ANO7: variants seen among roughly 807,000 people sequenced by gnomAD.
The protein encoded by ANO7 is anoctamin 7.
ANO7 carries 114 observed loss-of-function variants against 115.8 expected under a neutral mutation model. The observed-to-expected ratio is 0.98, with a 90% CI of 0.85 to 1.15. The LOEUF (loss-of-function observed/expected upper bound fraction) is 1.15. ANO7 is among the 50% of genes most tolerant of loss of function. ANO7 has a pLI of 0.00. For synonymous variants in ANO7, 550 were observed against 498.2 expected, an observed-to-expected ratio of 1.10 and a Z score of -1.38; for missense variants, 1,302 against 1,201.2, an observed-to-expected ratio of 1.08 and a Z score of -1.24.
At chr2:241,221,420 C>T (rs1258901438) in intron 21 of ANO7, among the ~76,000 whole-genome samples, 1 of 152,038 alleles carries the variant, frequency 6.6e-6, no homozygotes, top group Non-Finnish European at 1.5e-5. Flanking sequence ...GCTCTGTCAC[C>T]CAGGCTGGAG....
chr2:241,203,566 T>G lies in ANO7; in HGVS notation c.889+68T>G, dbSNP rs912666761. 32 of 1,213,354 alleles carry G rather than the reference T, an allele frequency of 2.6e-5. No individual in the cohort carries two copies. Among genetic ancestry groups the G allele is most frequent in the Admixed American group, 3.3e-5 (1 of 30,044 alleles). 75.2% of individuals were successfully genotyped at this position (1,213,354 alleles called of 1,614,324 possible). A position where few individuals can be genotyped will look rare whatever the true frequency, so the allele number is the denominator to read the frequency against. ...AGCTTGGTGTCAGGTTGTAACAATTTGCCAGTCCGTACCCCTGGAGGGCAG... is the reference window on the plus strand; with the variant it reads ...AGCTTGGTGTCAGGTTGTAACAATTGGCCAGTCCGTACCCCTGGAGGGCAG... On this transcript the variant is annotated intron_variant, in intron 9 of 24. Transcript: ENST00000674324. The surrounding 1 kb of genome is among the most constrained non-coding windows in gnomAD (Gnocchi z 4.8).
chr2:241,221,752 A>G (rs1574801039), intron 21 of ANO7, among the ~76,000 whole-genome samples: 1 of 151,472 alleles, frequency 6.6e-6, no homozygotes, highest in African/African-American at 2.4e-5. Flanking sequence ...ATTTTGGCTC[A>G]CTGCAACCTC....
In ANO7 at chr2:241,188,835, C is replaced by T. The variant is rs890845644; in HGVS notation, c.-8+69C>T. ...AGCGTTGGACTCTAGGGAGGCAGGGCGGCACCCCAGCCCACCGGGACTTTC... is the reference window on the plus strand; with the variant it reads ...AGCGTTGGACTCTAGGGAGGCAGGGTGGCACCCCAGCCCACCGGGACTTTC... On this transcript the variant is annotated intron_variant, in intron 1 of 24. Transcript: ENST00000674324. This position sits in a 1 kb window ranked among gnomAD's most constrained non-coding sequence, Gnocchi z 4.3. The T allele has an allele frequency of 4.8e-5, 74 of 1,551,550 alleles. No individual in the cohort carries two copies. The highest frequency in any genetic ancestry group is 1.8e-4 in the Middle Eastern group (1 of 5,608).
In ANO7 at chr2:241,204,934, T is replaced by G; in HGVS notation, c.959T>G (p.Leu320Arg). 3 of 1,614,090 alleles carry G rather than the reference T, an allele frequency of 1.9e-6. No homozygotes were observed. The highest frequency in any genetic ancestry group is 2.5e-6 in the Non-Finnish European group (3 of 1,179,964). ...CTGGTGTTCCTGGTGGGCTGCTTCC[T>G]GGTGTTCTCAGACATACCCACGTGA... The part of the protein sequence containing the change: ...GTLVFLVGCF[L>R]VFSDIPTQEL... The change falls in exon 10 of 25, where the codon CTG becomes CGG. Residue 320 changes from leucine (L) to arginine (R), a missense_variant. Leu to Arg is a moderately radical substitution (Grantham distance 102). Transcript: ENST00000674324.
chr2:241,227,990 A>G (rs2069291417), downstream of ANO7: 1 of 152,248 alleles, frequency 6.6e-6, no homozygotes, highest in Non-Finnish European at 1.5e-5. Flanking sequence ...AGGCCCATTC[A>G]GGGCTGCCTG....
At chr2:241,223,990 C>T in intron 24 of ANO7, 35 bp downstream of exon 24, 1 of 1,613,914 alleles carries the variant, frequency 6.2e-7, no homozygotes. Flanking sequence ...CTGCCCCGTG[C>T]ACTCCCTGAG....
chr2:241,209,679 C>T lies in ANO7; in HGVS notation c.1359+44C>T, dbSNP rs2068676977. On this transcript the variant is annotated intron_variant, in intron 13 of 24. Coordinates refer to ENST00000674324, the MANE Select transcript of ANO7 (RefSeq NM_001370694.2). Reference sequence around the variant, plus strand: ...CTCCGCTCACGCCTCCATCCTCCTGCACCATGTGGGGTGGTTTTGTCCCCC... The same window carrying T: ...CTCCGCTCACGCCTCCATCCTCCTGTACCATGTGGGGTGGTTTTGTCCCCC... The T allele has an allele frequency of 2.7e-6, 4 of 1,501,524 alleles. No homozygotes were observed. The Admixed American group carries it at 6.7e-5, about 25-fold the overall frequency. 93.0% of individuals were successfully genotyped at this position (1,501,524 alleles called of 1,614,324 possible).
chr2:241,210,421 G>C lies in ANO7; in HGVS notation c.1458+28G>C, dbSNP rs778662916. The C allele has an allele frequency of 2.3e-5, 37 of 1,613,546 alleles. No individual in the cohort carries two copies. In the Admixed American group the frequency reaches 6.0e-4, roughly 26 times the overall value. ...GAGCCTCTGCTGCCTGCCTCGGGGG[G>C]CCCTGAGCGGCCCCTCATCCGGCTC... is the stretch of plus-strand genomic sequence containing the variant. On this transcript the variant is annotated intron_variant, in intron 14 of 24. Coordinates refer to ENST00000674324, the MANE Select transcript of ANO7 (RefSeq NM_001370694.2).
chr2:241,209,642 G>A lies in ANO7; in HGVS notation c.1359+7G>A, dbSNP rs187802846. 399 of 1,537,994 alleles carry A rather than the reference G, an allele frequency of 2.6e-4. 4 individuals are homozygous for A. The East Asian group carries it at 8.3e-3, about 32-fold the overall frequency. On this transcript the variant is annotated splice_region_variant and intron_variant, in intron 13 of 24. Coordinates refer to ENST00000674324, the MANE Select transcript of ANO7 (RefSeq NM_001370694.2). ...TGTGGTGATCGTGGTGATGGTATGC[G>A]GTCCCCCTGCCCTCCGCTCACGCCT...
intron 9 of ANO7, 75 bp from the exon 10 acceptor site, chr2:241,204,790 A>G: frequency 8.8e-7 from 1 of 1,133,914 alleles, no homozygotes; most frequent in Non-Finnish European, 1.3e-6. Flanking sequence ...GGGGACAAGC[A>G]TGGCTGTGCA....
At chr2:241,237,085 G>A in the ANO7 span, among the ~76,000 whole-genome samples, 1 of 152,026 alleles carries the variant, frequency 6.6e-6, no homozygotes, top group Non-Finnish European at 1.5e-5. Flanking sequence ...CTACAGCAGA[G>A]GCTTCAGTGA....
At chr2:241,236,692 C>T in the ANO7 span, 9 of 1,614,144 alleles carry the variant, frequency 5.6e-6, no homozygotes, top group East Asian at 2.2e-5. Flanking sequence ...CTTGGAGAGC[C>T]GGGGTCACAA....
At chr2:241,230,249 C>A, downstream of ANO7, 1 of 1,594,018 alleles carries the variant, frequency 6.3e-7, no homozygotes, top group South Asian at 1.1e-5. The surrounding 1 kb of genome is among the most constrained non-coding windows in gnomAD (Gnocchi z 5.0). Flanking sequence ...GGGCTCCGCT[C>A]TGTGGGAAGC....
At position 241,203,533 on chromosome 2, in the gene ANO7, G is replaced by GC. The variant is rs573460677; in HGVS notation, c.889+42dup. 20 of 1,400,678 alleles carry GC rather than the reference G, an allele frequency of 1.4e-5. No homozygotes were observed. The highest frequency in any genetic ancestry group is 8.9e-5 in the Admixed American group (3 of 33,696). The allele number at this position is 1,400,678 out of a possible 1,614,324, so 86.8% of individuals were successfully genotyped here. A position where few individuals can be genotyped will look rare whatever the true frequency, so the allele number is the denominator to read the frequency against. ...CCCCGCTGCCCCCCAGACCACCTGG[G>GC]CCCCCCCAGCTTGGTGTCAGGTTGT... is the stretch of plus-strand genomic sequence containing the variant. On this transcript the variant is annotated intron_variant, in intron 9 of 24. Transcript: ENST00000674324. This position sits in a 1 kb window ranked among gnomAD's most constrained non-coding sequence, Gnocchi z 4.8.
chr2:241,229,897 G>C (rs376066963), downstream of ANO7: 91 of 1,596,786 alleles, frequency 5.7e-5, no homozygotes, highest in Non-Finnish European at 7.7e-5. Flanking sequence ...AGGTGCCTTG[G>C]CCTCTTCGTG....
intron 19 of ANO7, among the ~76,000 whole-genome samples, chr2:241,217,064 C>G (rs1424458211): frequency 1.3e-5 from 2 of 152,146 alleles, no homozygotes; most frequent in African/African-American, 4.8e-5. Context: ...AACTCCTGAC[C>G]TCAGGTGATC....
chr2:241,210,474 C>T lies in ANO7; in HGVS notation c.1465C>T (p.Arg489Cys), dbSNP rs184837414. The change falls in exon 15 of 25, where the codon CGC becomes TGC. Residue 489 changes from arginine (R) to cysteine (C), a missense_variant. Arg to Cys is a radical substitution (Grantham distance 180). Transcript: ENST00000674324. ...GNTLLAAWASRIASLTGSVVN... is the reference protein window; with the variant it reads ...GNTLLAAWASCIASLTGSVVN... ...ACGGCCTGTCTCCCGTTAGGCCTCT[C>T]GCATCGCCAGCCTCACGGGGTCTGT... 6.1e-5 allele frequency: 99 copies of T among 1,614,034 alleles called. No homozygotes were observed. The East Asian group carries it at 6.5e-4, about 11-fold the overall frequency.
chr2:241,199,710 T>C (rs1434326385), intron 5 of ANO7, among the ~76,000 whole-genome samples: 2 of 152,204 alleles, frequency 1.3e-5, no homozygotes, highest in Non-Finnish European at 2.9e-5. Flanking sequence ...CTGAGGGCCC[T>C]GCCTATGAAC....
chr2:241,232,878 A>T, the ANO7 span, among the ~76,000 whole-genome samples: 4 of 152,016 alleles, frequency 2.6e-5, no homozygotes, highest in African/African-American at 2.4e-5. Context: ...GTGGGGAGGG[A>T]AGAGGACGTG....
Sources: allele counts gnomAD v4.1 joint callset (sites outside exome capture counted in the v4.1 genomes callset), GRCh38; gene constraint gnomAD v4.1.1; non-coding constraint Gnocchi (gnomAD v3.1); transcripts MANE v1.5; gene names NCBI Gene and HGNC (gene_info 2026-07-23, HGNC 2026-07-21).